The following ZNF804A variants were observed in gnomAD, a reference collection of about 807,000 sequenced individuals.
The protein encoded by ZNF804A is zinc finger protein 804A.
In ZNF804A, 2 loss-of-function variants were observed where a neutral mutation model predicts 16.5. The ratio of observed to expected loss-of-function variants is 0.12; its 90% CI spans 0.05 to 0.38. The LOEUF (loss-of-function observed/expected upper bound fraction) is 0.38, where lower values mean the gene tolerates loss of function less well. ZNF804A is among the 10% of genes least tolerant of loss of function. ZNF804A has a pLI of 0.99. For missense variants in ZNF804A, 1,473 were observed against 1,390.7 expected (o/e 1.06, Z -0.94); for synonymous variants, 534 against 489.6 (o/e 1.09, Z -1.20).
chr2:184,720,037 A>G (rs955767151), intron 1 of ZNF804A, among the ~76,000 whole-genome samples: 3 of 152,214 alleles, frequency 2.0e-5, no homozygotes, highest in Non-Finnish European at 2.9e-5. Context: ...ACAGTTCCAC[A>G]TGGCTGGGGA....
intron 1 of ZNF804A, among the ~76,000 whole-genome samples, chr2:184,677,473 T>C (rs1350249654): frequency 6.6e-6 from 1 of 151,902 alleles, no homozygotes; most frequent in Non-Finnish European, 1.5e-5. Context: ...ATAGAACAGA[T>C]CTTGAAAATT....
At chr2:184,709,691 G>A (rs1693091699) in intron 1 of ZNF804A, among the ~76,000 whole-genome samples, 1 of 151,406 alleles carries the variant, frequency 6.6e-6, no homozygotes, top group African/African-American at 2.4e-5. Flanking sequence ...GTTTCTAAAG[G>A]TGACTTCCAA....
At chr2:184,922,913 T>C (rs533392002) in intron 2 of ZNF804A, among the ~76,000 whole-genome samples, 1 of 152,252 alleles carries the variant, frequency 6.6e-6, no homozygotes, top group South Asian at 2.1e-4. Flanking sequence ...TCTATTCCAT[T>C]GGTCTGTCTT....
At chr2:184,836,828 C>G (rs146243847) in intron 1 of ZNF804A, among the ~76,000 whole-genome samples, 21 of 151,880 alleles carry the variant, frequency 1.4e-4, no homozygotes, top group Non-Finnish European at 2.6e-4. Flanking sequence ...ATCTCCTTAG[C>G]GTGCCATATG....
intron 1 of ZNF804A, among the ~76,000 whole-genome samples, chr2:184,640,813 G>GCATCTC (rs1340328493): frequency 6.6e-6 from 1 of 152,112 alleles, no homozygotes; most frequent in Non-Finnish European, 1.5e-5. Flanking sequence ...AATACATGGG[G>GCATCTC]CATCTCCCGT....
intron 1 of ZNF804A, among the ~76,000 whole-genome samples, chr2:184,794,743 A>T (rs1451358208): frequency 1.3e-5 from 2 of 152,116 alleles, no homozygotes; most frequent in Admixed American, 1.3e-4. Context: ...CCAACCAACT[A>T]TCTGCTGCCT....
At chr2:184,650,602 T>A (rs1691965907) in intron 1 of ZNF804A, among the ~76,000 whole-genome samples, 1 of 152,120 alleles carries the variant, frequency 6.6e-6, no homozygotes. Flanking sequence ...GATAAATAAC[T>A]TCAGTAAAGT....
intron 2 of ZNF804A, among the ~76,000 whole-genome samples, chr2:184,901,346 AG>A (rs1355939508): frequency 6.6e-6 from 1 of 152,140 alleles, no homozygotes; most frequent in Non-Finnish European, 1.5e-5. Flanking sequence ...AAGAGAGTGA[AG>A]GGAAGGAAAG....
intron 1 of ZNF804A, among the ~76,000 whole-genome samples, chr2:184,856,443 T>C (rs1695688584): frequency 6.6e-6 from 1 of 152,156 alleles, no homozygotes. Context: ...GTTGTTGTTA[T>C]TCAACCATTT....
intron 1 of ZNF804A, among the ~76,000 whole-genome samples, chr2:184,768,959 A>T (rs1694170706): frequency 6.6e-6 from 1 of 152,122 alleles, no homozygotes; most frequent in Non-Finnish European, 1.5e-5. Context: ...ACTACAAAAG[A>T]ATCAGATCAT....
chr2:184,598,687 A>G lies in ZNF804A; in HGVS notation c.-273A>G. 4.1e-6 allele frequency: 1 copy of G among 245,276 alleles called. No homozygotes were observed. Among genetic ancestry groups the G allele is most frequent in the Non-Finnish European group, 7.7e-6 (1 of 129,572 alleles). The allele number at this position is 245,276 out of a possible 1,614,324, so 15.2% of individuals were successfully genotyped here. On this transcript the variant is annotated 5_prime_UTR_variant, in exon 1 of 4. Transcript: ENST00000302277. ...CGGCCCGGCCCCCTCCTAGGCTGGA[A>G]TCCTCCCGCGGGGCTCGTCGTCCCG...
chr2:184,726,371 A>T (rs1385667621), intron 1 of ZNF804A, among the ~76,000 whole-genome samples: 2 of 151,612 alleles, frequency 1.3e-5, no homozygotes, highest in African/African-American at 4.8e-5. Context: ...TAAAATGAAA[A>T]TATTCATTTT....
At chr2:184,909,317 T>C (rs1161307217) in intron 2 of ZNF804A, among the ~76,000 whole-genome samples, 1 of 152,084 alleles carries the variant, frequency 6.6e-6, no homozygotes, top group East Asian at 1.9e-4. Flanking sequence ...TTTATATAAA[T>C]AGGCAAAATT....
intron 1 of ZNF804A, among the ~76,000 whole-genome samples, chr2:184,735,548 A>G (rs753435953): frequency 2.0e-5 from 3 of 152,164 alleles, no homozygotes; most frequent in African/African-American, 4.8e-5. Flanking sequence ...TATGTAACAA[A>G]CCTGCATGTT....
chr2:184,670,894 G>C (rs6742182), intron 1 of ZNF804A, among the ~76,000 whole-genome samples: 123,038 of 152,006 alleles, frequency 0.81, 50,392 homozygotes, highest in Non-Finnish European at 0.88. Flanking sequence ...CTTCCCAGCT[G>C]TCTTCCTCTT....
chr2:184,853,081 A>G (rs1695631163), intron 1 of ZNF804A, among the ~76,000 whole-genome samples: 1 of 151,896 alleles, frequency 6.6e-6, no homozygotes, highest in Non-Finnish European at 1.5e-5. Flanking sequence ...TGAACACAGA[A>G]TATCTTTCCA....
chr2:184,737,640 T>C (rs1349817245), intron 1 of ZNF804A, among the ~76,000 whole-genome samples: 1 of 152,164 alleles, frequency 6.6e-6, no homozygotes, highest in Non-Finnish European at 1.5e-5. Context: ...CATATTTATT[T>C]CAAATTATAT....
intron 1 of ZNF804A, among the ~76,000 whole-genome samples, chr2:184,723,779 T>A (rs1693360529): frequency 6.6e-6 from 1 of 151,736 alleles, no homozygotes. Context: ...AAAACTGTAA[T>A]GATTTTGGTC....
chr2:184,672,742 T>C (rs1408014231), intron 1 of ZNF804A, among the ~76,000 whole-genome samples: 1 of 150,264 alleles, frequency 6.7e-6, no homozygotes, highest in African/African-American at 2.4e-5. Context: ...TATTTCTTTT[T>C]TTTTCTTTTC....
Sources: allele counts gnomAD v4.1 joint callset (sites outside exome capture counted in the v4.1 genomes callset), GRCh38; gene constraint gnomAD v4.1.1; transcripts MANE v1.5; gene names NCBI Gene and HGNC (gene_info 2026-07-23, HGNC 2026-07-21).